Variants in KIFC3 observed in about 807,000 individuals in gnomAD.
KIFC3 encodes kinesin family member C3.
A neutral mutation model predicts 101.8 loss-of-function variants in KIFC3; 60 were observed. The ratio of observed to expected loss-of-function variants is 0.59; its 90% CI spans 0.48 to 0.73. The LOEUF (loss-of-function observed/expected upper bound fraction) is 0.73. Ranked by LOEUF, KIFC3 falls within the 30% of genes least tolerant of loss-of-function variation. KIFC3 has a pLI of 0.00. For synonymous variants in KIFC3, 476 were observed against 482.7 expected, an observed-to-expected ratio of 0.99 and a Z score of 0.18; for missense variants, 966 against 1,137.1, an observed-to-expected ratio of 0.85 and a Z score of 2.16.
chr16:57,794,236 T>C (rs2054117824), intron 3 of KIFC3, among the ~76,000 whole-genome samples: 1 of 148,612 alleles, frequency 6.7e-6, no homozygotes, highest in South Asian at 2.1e-4. Flanking sequence ...TTTTTTCTTT[T>C]CTTTTTTTTT....
chr16:57,765,723 C>CTAGTTGACCTA, intron 10 of KIFC3, 83 bp from the exon 11 acceptor site: 1 of 1,347,478 alleles, frequency 7.4e-7, no homozygotes, highest in Non-Finnish European at 1.0e-6. Flanking sequence ...CCCAGGCAGA[C>CTAGTTGACCTA]TAGTTGACCT....
intron 3 of KIFC3, among the ~76,000 whole-genome samples, chr16:57,773,431 C>G (rs1282766843): frequency 6.6e-6 from 1 of 152,176 alleles, no homozygotes; most frequent in African/African-American, 2.4e-5. Flanking sequence ...CGCCAAAATT[C>G]TCATCTTTCA....
chr16:57,796,652 A>C (rs1453249013), intron 2 of KIFC3, among the ~76,000 whole-genome samples: 1 of 152,140 alleles, frequency 6.6e-6, no homozygotes, highest in Non-Finnish European at 1.5e-5. Context: ...AAGTGGATAA[A>C]AGTCTGTATG....
At chr16:57,764,275 T>TGGGGGGGGGGGGGGGGGGGTGGG in intron 11 of KIFC3, 28 bp from the exon 12 acceptor site, 1 of 539,938 alleles carries the variant, frequency 1.9e-6, no homozygotes, top group Non-Finnish European at 3.5e-6. Context: ...GGGAGGCTGG[T>TGGGGGGGGGGGGGGGGGGGTGGG]GGGGGGGCTT....
intron 1 of KIFC3, among the ~76,000 whole-genome samples, chr16:57,860,383 G>A: frequency 6.6e-6 from 1 of 152,198 alleles, no homozygotes; most frequent in East Asian, 1.9e-4. Flanking sequence ...AACTTGGGAA[G>A]AGGAGGTTGC....
chr16:57,854,505 G>A (rs1296755065), intron 1 of KIFC3, among the ~76,000 whole-genome samples: 3 of 152,078 alleles, frequency 2.0e-5, no homozygotes, highest in African/African-American at 7.2e-5. Context: ...GCATGCACCT[G>A]TAGTTCCAGC....
chr16:57,861,179 C>A (rs1959249976), intron 1 of KIFC3, among the ~76,000 whole-genome samples: 2 of 152,166 alleles, frequency 1.3e-5, no homozygotes, highest in Admixed American at 6.5e-5. Flanking sequence ...ATCTTTAAAG[C>A]AAAACCTATT....
chr16:57,812,334 G>A (rs1475306673), intron 1 of KIFC3, among the ~76,000 whole-genome samples: 37 of 140,014 alleles, frequency 2.6e-4, no homozygotes, highest in African/African-American at 8.5e-4. Context: ...GAGCCACTGC[G>A]CCCAGCCCCC....
chr16:57,782,486 G>C (rs140636186), intron 3 of KIFC3: 57 of 152,410 alleles, frequency 3.7e-4, no homozygotes, highest in African/African-American at 1.0e-3. Flanking sequence ...ACTGTCCCAA[G>C]GTCACACAGC....
chr16:57,812,240 C>T (rs543468418), intron 1 of KIFC3, among the ~76,000 whole-genome samples: 17 of 151,684 alleles, frequency 1.1e-4, no homozygotes, highest in Non-Finnish European at 1.9e-4. Context: ...GATGGGGTTT[C>T]GCCGTGTTAG....
At chr16:57,784,569 G>C (rs2053120697) in intron 3 of KIFC3, among the ~76,000 whole-genome samples, 1 of 152,336 alleles carries the variant, frequency 6.6e-6, no homozygotes, top group African/African-American at 2.4e-5. Flanking sequence ...TGGCTCATGG[G>C]ACACAGAAAG....
intron 1 of KIFC3, among the ~76,000 whole-genome samples, chr16:57,822,660 G>A (rs782079769): frequency 6.6e-6 from 1 of 152,026 alleles, no homozygotes; most frequent in Non-Finnish European, 1.5e-5. Flanking sequence ...TCACACCATT[G>A]CACTCCAGCC....
chr16:57,844,928 A>T (rs1300676252), intron 1 of KIFC3, among the ~76,000 whole-genome samples: 1 of 152,180 alleles, frequency 6.6e-6, no homozygotes, highest in Non-Finnish European at 1.5e-5. Context: ...GCTTCCAGGA[A>T]CTGACCCAGG....
At chr16:57,797,745 C>T (rs1268244219) in intron 2 of KIFC3, 31 of 1,245,764 alleles carry the variant, frequency 2.5e-5, no homozygotes, top group Admixed American at 4.0e-5. Context: ...CTAGCCCACA[C>T]GCTCTTGGCC....
In KIFC3 at chr16:57,770,720, T is replaced by C. The variant is rs888753268; in HGVS notation, c.766-20A>G. The C allele has an allele frequency of 3.5e-6, 5 of 1,430,074 alleles. No individual in the cohort carries two copies. The highest frequency in any genetic ancestry group is 3.0e-5 in the Admixed American group (1 of 33,876). The allele number at this position is 1,430,074 out of a possible 1,614,324, so 88.6% of individuals were successfully genotyped here. A position where few individuals can be genotyped will look rare whatever the true frequency, so the allele number is the denominator to read the frequency against. ...GACATACTGCAGGGTGAGGGAGGAATGGCACGTGGAGCCAGCGGGCACCGT... is the reference window on the plus strand; with the variant it reads ...GACATACTGCAGGGTGAGGGAGGAACGGCACGTGGAGCCAGCGGGCACCGT... On this transcript the variant is annotated intron_variant, in intron 6 of 19. Coordinates refer to ENST00000445690, the MANE Select transcript of KIFC3 (RefSeq NM_001130100.2).
rs192196432 is a variant in KIFC3 at position 57,853,780 on chromosome 16, C to T, written c.108+8949G>A. The stretch of plus-strand genomic sequence containing the variant: ...CTGAGTAGCTGGGATTACAGGCGTG[C>T]GCCACCATACCCGGATAATTTTTTG... On this transcript the variant is annotated intron_variant, in intron 1 of 2. Transcript: ENST00000563028. 2.1e-4 allele frequency among the ~76,000 whole-genome samples: 32 copies of T among 152,108 alleles called. 1 individual carries two copies. The highest frequency in any genetic ancestry group is 1.2e-3 in the Admixed American group (19 of 15,284).
intron 9 of KIFC3, among the ~76,000 whole-genome samples, chr16:57,768,191 A>G (rs764113731): frequency 2.0e-5 from 3 of 151,910 alleles, no homozygotes; most frequent in Admixed American, 6.6e-5. Flanking sequence ...AAACAAACAA[A>G]CAAAACTAGC....
At chr16:57,797,208 T>C (rs781966163) in intron 2 of KIFC3, among the ~76,000 whole-genome samples, 2 of 152,226 alleles carry the variant, frequency 1.3e-5, no homozygotes, top group Non-Finnish European at 2.9e-5. Flanking sequence ...GGCTTGGACC[T>C]GATGGCCCAG....
chr16:57,803,677 C>G (rs1350824937), upstream of KIFC3, among the ~76,000 whole-genome samples: 1 of 152,244 alleles, frequency 6.6e-6, no homozygotes, highest in Non-Finnish European at 1.5e-5. Context: ...TCACAGTCCC[C>G]CAGCTGGAAG....
Sources: allele counts gnomAD v4.1 joint callset (sites outside exome capture counted in the v4.1 genomes callset), GRCh38; gene constraint gnomAD v4.1.1; transcripts MANE v1.5; gene names NCBI Gene and HGNC (gene_info 2026-07-23, HGNC 2026-07-21).